Variants in KSR2 observed in about 807,000 individuals in gnomAD.
KSR2 encodes the protein kinase suppressor of ras 2.
KSR2 carries 25 observed loss-of-function variants against 107.8 expected under a neutral mutation model. The ratio of observed to expected loss-of-function variants is 0.23; its 90% CI spans 0.17 to 0.32. KSR2 has a LOEUF of 0.32. KSR2 is among the 10% of genes least tolerant of loss of function. The pLI is 1.00. For synonymous variants in KSR2, 480 were observed against 507.0 expected (o/e 0.95, Z 0.71); for missense variants, 887 against 1,268.9 (o/e 0.70, Z 4.57).
At chr12:117,600,003 C>T (rs1168185217) in intron 5 of KSR2, among the ~76,000 whole-genome samples, 1 of 152,160 alleles carries the variant, frequency 6.6e-6, no homozygotes, top group African/African-American at 2.4e-5. Flanking sequence ...GGTCAAGCTG[C>T]CACAGGTTCT....
chr12:117,893,017 AT>A (rs1158068448), intron 1 of KSR2, among the ~76,000 whole-genome samples: 2,816 of 136,754 alleles, frequency 0.021, 62 homozygotes, highest in African/African-American at 0.052. Context: ...ACCCTGTGTA[AT>A]TTTTTTTTTT....
chr12:117,648,636 A>G (rs1224193097), intron 5 of KSR2, among the ~76,000 whole-genome samples: 1 of 152,244 alleles, frequency 6.6e-6, no homozygotes, highest in African/African-American at 2.4e-5. Context: ...TAACCTTGCC[A>G]GGAAGGTATT....
intron 14 of KSR2, among the ~76,000 whole-genome samples, chr12:117,487,048 C>T (rs961608325): frequency 1.4e-4 from 22 of 152,148 alleles, no homozygotes; most frequent in Admixed American, 1.0e-3. Flanking sequence ...ATGGGGCCAA[C>T]AGCTGCTGCC....
At chr12:117,650,982 C>T (rs1303262903) in intron 5 of KSR2, among the ~76,000 whole-genome samples, 2 of 152,174 alleles carry the variant, frequency 1.3e-5, no homozygotes, top group African/African-American at 2.4e-5. Context: ...TGCACAGCCT[C>T]ACCAGGTGTT....
chr12:117,715,661 T>A (rs1886951887), intron 4 of KSR2, among the ~76,000 whole-genome samples: 1 of 152,222 alleles, frequency 6.6e-6, no homozygotes, highest in African/African-American at 2.4e-5. Flanking sequence ...TTACAGGGTG[T>A]AGGATGTCTG....
chr12:117,566,027 G>A (rs1226920486), intron 7 of KSR2, among the ~76,000 whole-genome samples: 1 of 151,992 alleles, frequency 6.6e-6, no homozygotes, highest in Non-Finnish European at 1.5e-5. Context: ...AACTCATGTC[G>A]TGCCACGGGG....
In KSR2 at chr12:117,761,163, G is replaced by A. The variant is rs1888996015; in HGVS notation, c.834C>T (p.Pro278=). Residue 278 remains proline (P), a synonymous_variant, in exon 4 of 20, where the codon CCC becomes CCT. Transcript: ENST00000339824. ...GCTTCAGCTTGTTCTTCTTCCTCATGGGCGGCGTGCCCGGCGGGGTCACGG... is the reference window on the plus strand; with the variant it reads ...GCTTCAGCTTGTTCTTCTTCCTCATAGGCGGCGTGCCCGGCGGGGTCACGG... ...VTTVTPPGTP[P]MRKKNKLKPP... The A allele has an allele frequency of 6.2e-7, 1 of 1,606,424 alleles. No homozygotes were observed. The highest frequency in any genetic ancestry group is 8.5e-7 in the Non-Finnish European group (1 of 1,175,102).
intron 1 of KSR2, among the ~76,000 whole-genome samples, chr12:117,962,004 G>A (rs1443185320): frequency 6.6e-6 from 1 of 151,974 alleles, no homozygotes; most frequent in African/African-American, 2.4e-5. Flanking sequence ...AATTAGCTGG[G>A]TGCAGTGACA....
At chr12:117,510,723 C>T (rs1246631373) in intron 14 of KSR2, among the ~76,000 whole-genome samples, 2 of 151,910 alleles carry the variant, frequency 1.3e-5, no homozygotes, top group Admixed American at 6.6e-5. Context: ...ACCAAAAATA[C>T]AAAAATTAGC....
intron 3 of KSR2, among the ~76,000 whole-genome samples, chr12:117,833,579 T>C (rs1375100948): frequency 6.6e-6 from 1 of 152,134 alleles, no homozygotes; most frequent in Non-Finnish European, 1.5e-5. Context: ...CCCAGGCTAG[T>C]CTTGAACTTC....
At chr12:117,898,631 TA>T (rs200037408) in intron 1 of KSR2, among the ~76,000 whole-genome samples, 3,267 of 151,558 alleles carry the variant, frequency 0.022, 98 homozygotes, top group African/African-American at 0.073. Flanking sequence ...TTTTTAACTT[TA>T]AAAAAAAATT....
intron 1 of KSR2, among the ~76,000 whole-genome samples, chr12:117,880,710 A>ATCCTT (rs1808961252): frequency 7.9e-6 from 1 of 126,420 alleles, no homozygotes; most frequent in Non-Finnish European, 1.6e-5. Flanking sequence ...ATTTTGCCAG[A>ATCCTT]TTCTTTTTTT....
chr12:117,717,665 AGGTGTG>A (rs1226081626), intron 4 of KSR2, among the ~76,000 whole-genome samples: 43 of 132,634 alleles, frequency 3.2e-4, no homozygotes, highest in African/African-American at 1.1e-3. Context: ...TGGGGCAGAC[AGGTGTG>A]TGTGTGTGTG....
chr12:117,564,273 C>T (rs1008947069), intron 7 of KSR2, among the ~76,000 whole-genome samples: 4 of 152,162 alleles, frequency 2.6e-5, no homozygotes, highest in African/African-American at 9.7e-5. Flanking sequence ...AGGGAAGGTC[C>T]TATATGGTTC....
chr12:117,733,098 G>A (rs1192344371), intron 4 of KSR2, among the ~76,000 whole-genome samples: 1 of 152,184 alleles, frequency 6.6e-6, no homozygotes, highest in African/African-American at 2.4e-5. Context: ...ACTAGATTGA[G>A]GCCTTGAGGC....
intron 4 of KSR2, among the ~76,000 whole-genome samples, chr12:117,676,792 C>A (rs560259501): frequency 6.6e-6 from 1 of 152,304 alleles, no homozygotes; most frequent in East Asian, 1.9e-4. Context: ...ATTTTACTCC[C>A]AGGCCTGTAT....
rs937726329 is a variant in KSR2, at chr12:117,457,305, G to A, written c.*9894C>T. On this transcript the variant is annotated 3_prime_UTR_variant, in exon 20 of 20. Coordinates refer to ENST00000339824, the MANE Select transcript of KSR2 (RefSeq NM_173598.6). ...TCCCATGGAAGGTTGCAGATGGCAG[G>A]ATGCTGGATTTGAATCCTAGTCGCG... The A allele has an allele frequency of 6.6e-6, 1 of 152,232 alleles. No homozygotes were observed. Among genetic ancestry groups the A allele is most frequent in the Non-Finnish European group, 1.5e-5 (1 of 68,048 alleles). The allele number at this position is 152,232 out of a possible 1,614,324, so 9.4% of individuals were successfully genotyped here.
At chr12:117,518,586 G>A (rs1010185144) in intron 14 of KSR2, among the ~76,000 whole-genome samples, 4 of 152,214 alleles carry the variant, frequency 2.6e-5, no homozygotes, top group African/African-American at 9.6e-5. Context: ...GAGGAGGTAG[G>A]ATCTTGGCCA....
At chr12:117,503,523 C>A (rs563575680) in intron 14 of KSR2, among the ~76,000 whole-genome samples, 3 of 152,218 alleles carry the variant, frequency 2.0e-5, no homozygotes, top group Non-Finnish European at 2.9e-5. Context: ...GGATGATATG[C>A]AGACCCACTA....
Sources: gnomAD v4.1 joint callset for allele counts (sites outside exome capture counted in the v4.1 genomes callset) on GRCh38, gnomAD v4.1.1 for gene constraint, MANE v1.5 for transcripts, NCBI Gene and HGNC (gene_info 2026-07-23, HGNC 2026-07-21) for gene names.